The following MARCHF10 variants were observed in gnomAD, a reference collection of about 807,000 sequenced individuals.
MARCHF10 encodes the protein membrane associated ring-CH-type finger 10.
In MARCHF10, 64 loss-of-function variants were observed where a neutral mutation model predicts 76.2. The ratio of observed to expected loss-of-function variants is 0.84; its 90% confidence interval spans 0.69 to 1.03. The LOEUF (loss-of-function observed/expected upper bound fraction) is 1.03. Among genes scored for constraint, MARCHF10 ranks in the 50% least tolerant of loss-of-function variants. The probability of loss-of-function intolerance (pLI) is 0.00; values close to 1 mark genes in which losing one functional copy is unlikely to be tolerated. For synonymous variants in MARCHF10, 340 were observed against 357.5 expected (o/e 0.95, Z 0.55); for missense variants, 875 against 958.0 (o/e 0.91, Z 1.14).
At chr17:62,716,142 G>A (rs931304913) in intron 8 of MARCHF10, among the ~76,000 whole-genome samples, 7 of 152,188 alleles carry the variant, frequency 4.6e-5, no homozygotes, top group African/African-American at 7.2e-5. Flanking sequence ...AGCTGTTCCC[G>A]CAGCGGCCTG....
At chr17:62,755,071 C>T (rs2092001166) in intron 4 of MARCHF10, among the ~76,000 whole-genome samples, 1 of 152,210 alleles carries the variant, frequency 6.6e-6, no homozygotes, top group South Asian at 2.1e-4. Flanking sequence ...CACTCTACAG[C>T]TGAAAAGTCT....
intron 4 of MARCHF10, among the ~76,000 whole-genome samples, chr17:62,752,300 TACTC>T (rs924543514): frequency 2.6e-5 from 4 of 152,194 alleles, no homozygotes; most frequent in African/African-American, 9.6e-5. Flanking sequence ...AGCCACCTCT[TACTC>T]ACTGCAGGCC....
chr17:62,705,314 T>C, intron 10 of MARCHF10: 1 of 1,461,920 alleles, frequency 6.8e-7, no homozygotes. Flanking sequence ...CGCCTTTCCT[T>C]GCGTTCAGGA....
chr17:62,706,668 C>T lies in MARCHF10; in HGVS notation c.2329-1087G>A, dbSNP rs116170952. Among the ~76,000 whole-genome samples, 501 of 152,248 alleles carry T rather than the reference C, an allele frequency of 3.3e-3. 1 individual carries two copies. The highest frequency in any genetic ancestry group is 0.011 in the African/African-American group (476 of 41,528). ...GGCTTCTAGATCGTACCTGCCCCTC[C>T]GGCCAGCCCCGGGGCTCCCTTCCCC... On this transcript the variant is annotated intron_variant, in intron 9 of 10. Transcript: ENST00000311269.
chr17:62,777,144 C>T (rs976861056), intron 3 of MARCHF10, among the ~76,000 whole-genome samples: 1 of 152,194 alleles, frequency 6.6e-6, no homozygotes, highest in Non-Finnish European at 1.5e-5. Flanking sequence ...CCTATTCTGG[C>T]TATTACGGCG....
At chr17:62,778,308 A>G (rs1052620102) in intron 3 of MARCHF10, among the ~76,000 whole-genome samples, 1 of 152,172 alleles carries the variant, frequency 6.6e-6, no homozygotes, top group Non-Finnish European at 1.5e-5. Flanking sequence ...AGGTATCTGA[A>G]TTTGATCCCA....
intron 2 of MARCHF10, among the ~76,000 whole-genome samples, 188 bp downstream of exon 2, chr17:62,801,458 C>CG (rs2093070976): frequency 6.8e-6 from 1 of 147,364 alleles, no homozygotes; most frequent in African/African-American, 2.6e-5. Flanking sequence ...CAGCTATCCC[C>CG]GTTTTTTTTT....
In MARCHF10 at chr17:62,737,059, C is replaced by T; in HGVS notation, c.809G>A (p.Arg270Lys). The T allele has an allele frequency of 6.2e-7, 1 of 1,614,086 alleles. No individual in the cohort carries two copies. Among genetic ancestry groups the T allele is most frequent in the Admixed American group, 1.7e-5 (1 of 60,004 alleles). The part of the protein sequence containing the change: ...TVGGPRKASF[R>K]FRDEDFYSIL... ...GGAATAAAAGTCTTCATCTCGGAAC[C>T]TAAATGATGCCTTTCTTGGCCCTCC... The change falls in exon 6 of 11, where the codon AGG (arginine) becomes AAG (lysine). Residue 270 changes from arginine (R) to lysine (K), a missense_variant. Transcript: ENST00000311269.
rs1458632556 is a variant in MARCHF10 at position 62,738,056 on chromosome 17, T to A, written c.536-724A>T. The A allele has an allele frequency of 6.3e-5, 4 of 63,210 alleles. No homozygotes were observed. In the East Asian group the frequency reaches 1.1e-3, roughly 17 times the overall value. 3.9% of individuals were successfully genotyped at this position (63,210 alleles called of 1,614,324 possible). On this transcript the variant is annotated intron_variant, in intron 5 of 10. Coordinates refer to ENST00000311269, the MANE Select transcript of MARCHF10 (RefSeq NM_152598.4). The surrounding 1 kb of genome is among the most constrained non-coding windows in gnomAD (Gnocchi z 4.0). ...TGCTAACTGTCTCTCTCTGTCTCTCTCTGTCACACACACACACACACACAC... is the reference window on the plus strand; with the variant it reads ...TGCTAACTGTCTCTCTCTGTCTCTCACTGTCACACACACACACACACACAC...
chr17:62,740,912 C>T (rs528508589), intron 5 of MARCHF10, among the ~76,000 whole-genome samples: 2 of 152,148 alleles, frequency 1.3e-5, no homozygotes, highest in East Asian at 1.9e-4. Flanking sequence ...ACAGGCATGA[C>T]CCACCGTGTC....
At chr17:62,710,504 G>GA (rs35384965) in intron 9 of MARCHF10, among the ~76,000 whole-genome samples, 25 of 121,182 alleles carry the variant, frequency 2.1e-4, no homozygotes, top group South Asian at 1.1e-3. Context: ...ATGTGAGCCA[G>GA]AAAAAAAAAA....
chr17:62,792,744 ACC>A, intron 2 of MARCHF10, among the ~76,000 whole-genome samples: 1 of 136,708 alleles, frequency 7.3e-6, no homozygotes, highest in African/African-American at 2.8e-5. Flanking sequence ...CACCACCACC[ACC>A]TCCATCACCA....
At chr17:62,770,665 T>C (rs2148009224) in intron 3 of MARCHF10, among the ~76,000 whole-genome samples, 1 of 151,350 alleles carries the variant, frequency 6.6e-6, no homozygotes, top group East Asian at 2.0e-4. Flanking sequence ...CTCAGCCTCC[T>C]GAGTAGCTGG....
intron 4 of MARCHF10, among the ~76,000 whole-genome samples, chr17:62,758,307 C>T (rs1274468930): frequency 6.6e-6 from 1 of 152,144 alleles, no homozygotes; most frequent in Non-Finnish European, 1.5e-5. Flanking sequence ...TGAGATCGTG[C>T]CACTGCACTC....
At position 62,779,490 on chromosome 17, in the gene MARCHF10, C is replaced by T. The variant is rs540702810; in HGVS notation, c.210+8990G>A. ...GAAAGTGGAGAAGCTGAAGGTTTCA[C>T]GGACACGATAGGATGAATCAATAGG... On this transcript the variant is annotated intron_variant, in intron 3 of 10. Coordinates refer to ENST00000311269, the MANE Select transcript of MARCHF10 (RefSeq NM_152598.4). Among the ~76,000 whole-genome samples the T allele has an allele frequency of 5.9e-5, 9 of 152,156 alleles. No individual in the cohort carries two copies. The South Asian group carries it at 1.5e-3, about 25-fold the overall frequency.
intron 2 of MARCHF10, among the ~76,000 whole-genome samples, chr17:62,793,552 GCCA>G (rs1341254744): frequency 3.1e-4 from 8 of 26,014 alleles, no homozygotes; most frequent in African/African-American, 6.8e-4. Flanking sequence ...CACCTCCACT[GCCA>G]CCACCACCTC....
At chr17:62,715,017 G>A (rs953206305) in intron 8 of MARCHF10, among the ~76,000 whole-genome samples, 4 of 152,176 alleles carry the variant, frequency 2.6e-5, no homozygotes, top group African/African-American at 9.7e-5. Context: ...AAAGTGTTGC[G>A]ATTACAGGCG....
rs114441650 is a variant in MARCHF10, at chr17:62,739,767, G to T, written c.536-2435C>A. On this transcript the variant is annotated intron_variant, in intron 5 of 10. Coordinates refer to ENST00000311269, the MANE Select transcript of MARCHF10 (RefSeq NM_152598.4). ...AACCGGAATCTTCCGGTCATTCCCTGAACGCACATGACCCATCCCTGTGAG... is the reference window on the plus strand; with the variant it reads ...AACCGGAATCTTCCGGTCATTCCCTTAACGCACATGACCCATCCCTGTGAG... Among the ~76,000 whole-genome samples, 610 of 152,278 alleles carry T rather than the reference G, an allele frequency of 4.0e-3. 4 individuals are homozygous for T. The highest frequency in any genetic ancestry group is 0.014 in the African/African-American group (594 of 41,564).
chr17:62,720,864 T>A (rs982311830), intron 8 of MARCHF10, among the ~76,000 whole-genome samples: 9 of 134,826 alleles, frequency 6.7e-5, no homozygotes, highest in African/African-American at 3.0e-4. Flanking sequence ...GTTGTGATTT[T>A]TTTTTTTTTT....
Sources: gnomAD v4.1 joint callset for allele counts (sites outside exome capture counted in the v4.1 genomes callset) on GRCh38, gnomAD v4.1.1 for gene constraint, Gnocchi (gnomAD v3.1) non-coding constraint, MANE v1.5 for transcripts, NCBI Gene and HGNC (gene_info 2026-07-23, HGNC 2026-07-21) for gene names.